The following ANKRD28 variants were observed in gnomAD, a reference collection of about 807,000 sequenced individuals.
ANKRD28 encodes the protein serine/threonine-protein phosphatase 6 regulatory ankyrin repeat subunit A.
ANKRD28 carries 44 observed loss-of-function variants against 126.5 expected under a neutral mutation model. That is an observed-to-expected ratio of 0.35 (90% CI 0.27 to 0.45). ANKRD28 has a LOEUF of 0.45. ANKRD28 is among the 20% of genes least tolerant of loss of function. ANKRD28 has a pLI of 1.00. For synonymous variants in ANKRD28, 442 were observed against 468.5 expected (o/e 0.94, Z 0.73); for missense variants, 1,110 against 1,316.6 (o/e 0.84, Z 2.43).
Position 15,695,065 on chromosome 3 carries a change from C to G in ANKRD28, c.1686+123G>C. The G allele has an allele frequency of 4.8e-6, 4 of 838,180 alleles. No individual in the cohort carries two copies. In the South Asian group the frequency reaches 6.4e-5, roughly 13 times the overall value. 51.9% of individuals were successfully genotyped at this position (838,180 alleles called of 1,614,324 possible). On this transcript the variant is annotated intron_variant, in intron 16 of 27. Transcript: ENST00000683139. ...TTTCCTCTGTACACATGATTTCTGT[C>G]ACCGTCTTTGTGCCTAATATGTAAA...
chr3:15,813,156 A>C (rs2060756794), intron 1 of ANKRD28, among the ~76,000 whole-genome samples: 2 of 151,528 alleles, frequency 1.3e-5, no homozygotes, highest in African/African-American at 4.9e-5. Flanking sequence ...TTTTGAGCCC[A>C]GGTGTTCAAG....
At chr3:15,801,025 C>A (rs1397305551), upstream of ANKRD28, among the ~76,000 whole-genome samples, 1 of 152,146 alleles carries the variant, frequency 6.6e-6, no homozygotes, top group African/African-American at 2.4e-5. The surrounding 1 kb of genome is among the most constrained non-coding windows in gnomAD (Gnocchi z 4.9). Flanking sequence ...AAAGATTGTG[C>A]AAACTGTAAG....
chr3:15,668,979 A>C lies in ANKRD28; in HGVS notation c.*1291T>G, dbSNP rs2066130466. ...ACAGTTACAGTAAAAGCAGAACCACACAAATCTTTATTTAAAAGCCGAAAT... is the reference window on the plus strand; with the variant it reads ...ACAGTTACAGTAAAAGCAGAACCACCCAAATCTTTATTTAAAAGCCGAAAT... On this transcript the variant is annotated 3_prime_UTR_variant, in exon 28 of 28. Coordinates refer to ENST00000683139, the MANE Select transcript of ANKRD28 (RefSeq NM_001349278.2). The C allele has an allele frequency of 6.6e-6, 1 of 152,654 alleles. No homozygotes were observed. The highest frequency in any genetic ancestry group is 1.5e-5 in the Non-Finnish European group (1 of 68,042). The allele number at this position is 152,654 out of a possible 1,614,324, so 9.5% of individuals were successfully genotyped here. A position where few individuals can be genotyped will look rare whatever the true frequency, so the allele number is the denominator to read the frequency against.
chr3:15,720,702 T>C (rs866621934), intron 8 of ANKRD28, among the ~76,000 whole-genome samples: 28 of 147,182 alleles, frequency 1.9e-4, no homozygotes, highest in Admixed American at 1.8e-3. Flanking sequence ...TGGAACCCCA[T>C]ATAAATGGAA....
intron 24 of ANKRD28, among the ~76,000 whole-genome samples, chr3:15,677,981 G>A (rs2067130000): frequency 6.6e-6 from 1 of 152,108 alleles, no homozygotes; most frequent in Non-Finnish European, 1.5e-5. Context: ...TCCACAGCCA[G>A]TGTTCTTAAC....
At chr3:15,823,483 T>C (rs1338197395) in intron 1 of ANKRD28, among the ~76,000 whole-genome samples, 2 of 152,060 alleles carry the variant, frequency 1.3e-5, no homozygotes, top group Non-Finnish European at 2.9e-5. Context: ...ATTTAAAGAA[T>C]CAACATAAAT....
chr3:15,717,933 C>G (rs1044247443), intron 8 of ANKRD28, among the ~76,000 whole-genome samples: 10 of 151,692 alleles, frequency 6.6e-5, no homozygotes, highest in Admixed American at 2.0e-4. Flanking sequence ...AGGTCAGAAA[C>G]AACAAAATGG....
intron 6 of ANKRD28, among the ~76,000 whole-genome samples, chr3:15,728,195 A>G (rs2074324645): frequency 6.6e-6 from 1 of 152,230 alleles, no homozygotes; most frequent in African/African-American, 2.4e-5. Flanking sequence ...AAGAACACTG[A>G]AAATTAATAA....
intron 17 of ANKRD28, among the ~76,000 whole-genome samples, chr3:15,691,125 C>CTT (rs535516050): frequency 5.9e-4 from 83 of 141,482 alleles, no homozygotes; most frequent in African/African-American, 2.0e-3. Context: ...CTGAAGTTGT[C>CTT]TTTTTTTTTT....
rs2060572556 is a variant in ANKRD28, at chr3:15,806,165, T to G, written c.28-10859A>C. Among the ~76,000 whole-genome samples the G allele has an allele frequency of 2.0e-5, 3 of 152,226 alleles. No homozygotes were observed. In the South Asian group the frequency reaches 6.2e-4, roughly 31 times the overall value. ...TCAGGTGTGGAGTTTCTTTTATACATAAATTTTCACGCCTTCGATAAACTT... is the reference window on the plus strand; with the variant it reads ...TCAGGTGTGGAGTTTCTTTTATACAGAAATTTTCACGCCTTCGATAAACTT... On this transcript the variant is annotated intron_variant, in intron 1 of 27. Transcript: ENST00000399451.
rs138255179 is a variant in ANKRD28, at chr3:15,795,260, C to T, written c.164G>A (p.Arg55Gln). ...ATCTTCTTTCTTAAATATTAGTGCT[C>T]GAACTTCATCAGGATCTCCGTTAAA... ...AIFNGDPDEVRALIFKKEDVN... is the reference protein window; with the variant it reads ...AIFNGDPDEVQALIFKKEDVN... The change falls in exon 2 of 28, where the codon CGA becomes CAA. Residue 55 changes from arginine (R) to glutamine (Q), a missense_variant. Coordinates refer to ENST00000683139, the MANE Select transcript of ANKRD28 (RefSeq NM_001349278.2). The T allele has an allele frequency of 1.1e-5, 18 of 1,612,726 alleles. No homozygotes were observed. In the African/African-American group the frequency reaches 1.2e-4, roughly 11 times the overall value.
intron 4 of ANKRD28, among the ~76,000 whole-genome samples, chr3:15,746,165 T>C (rs1169454153): frequency 6.6e-6 from 1 of 152,214 alleles, no homozygotes; most frequent in African/African-American, 2.4e-5. Context: ...CAGTGACAGT[T>C]TGACTTCCTC....
intron 7 of ANKRD28, among the ~76,000 whole-genome samples, chr3:15,723,422 A>G (rs1429731943): frequency 2.0e-5 from 3 of 152,238 alleles, no homozygotes; most frequent in Non-Finnish European, 1.5e-5. Flanking sequence ...GTTTTATTAA[A>G]GAACCAATGA....
chr3:15,692,297 G>T (rs762629612), intron 17 of ANKRD28, among the ~76,000 whole-genome samples: 3 of 151,974 alleles, frequency 2.0e-5, no homozygotes, highest in Non-Finnish European at 2.9e-5. Flanking sequence ...AAAAAATAAA[G>T]AATTAGTCGG....
At chr3:15,775,564 T>C (rs1449763153) in intron 2 of ANKRD28, among the ~76,000 whole-genome samples, 1 of 152,196 alleles carries the variant, frequency 6.6e-6, no homozygotes, top group Non-Finnish European at 1.5e-5. Context: ...TGGCTATAAA[T>C]TGAGGTTCCC....
chr3:15,758,851 C>G (rs577534224), intron 3 of ANKRD28, among the ~76,000 whole-genome samples: 101 of 152,250 alleles, frequency 6.6e-4, no homozygotes, highest in African/African-American at 2.1e-3. Flanking sequence ...ATTCTTAATG[C>G]CAGAAACATC....
At chr3:15,738,708 G>A (rs1325102550) in intron 4 of ANKRD28, 1 of 152,406 alleles carries the variant, frequency 6.6e-6, no homozygotes, top group Non-Finnish European at 1.5e-5. Context: ...ACCGGCCCAG[G>A]TCGGAAACAG....
chr3:15,753,314 C>T (rs1487190577), intron 3 of ANKRD28, among the ~76,000 whole-genome samples: 1 of 152,302 alleles, frequency 6.6e-6, no homozygotes, highest in South Asian at 2.1e-4. Flanking sequence ...GGGTAGAAGA[C>T]GGAATGTACA....
At position 15,789,251 on chromosome 3, in the gene ANKRD28, AAT is replaced by A. The variant is rs970465135; in HGVS notation, c.201+5970_201+5971del. ...TACTCCTGAATATGGCAATATATTC[AAT>A]AAAGTCCACTGAAGCCCTATTCCTG... On this transcript the variant is annotated intron_variant, in intron 2 of 27. Transcript: ENST00000683139. Among the ~76,000 whole-genome samples the A allele has an allele frequency of 2.2e-4, 34 of 152,228 alleles. 5 individuals carry two copies. The highest frequency in any genetic ancestry group is 9.8e-4 in the Admixed American group (15 of 15,268).
Sources: allele counts gnomAD v4.1 joint callset (sites outside exome capture counted in the v4.1 genomes callset), GRCh38; gene constraint gnomAD v4.1.1; non-coding constraint Gnocchi (gnomAD v3.1); transcripts MANE v1.5; gene names NCBI Gene and HGNC (gene_info 2026-07-23, HGNC 2026-07-21).